ANAPC10: variants seen among roughly 807,000 people sequenced by gnomAD.
ANAPC10 encodes the protein anaphase promoting complex subunit 10, also known as anaphase-promoting complex subunit 10.
In ANAPC10, 12 loss-of-function variants were observed where a neutral mutation model predicts 22.0. The ratio of observed to expected loss-of-function variants is 0.55; its 90% CI spans 0.35 to 0.88. The LOEUF is 0.88. Among genes scored for constraint, ANAPC10 ranks in the 40% least tolerant of loss-of-function variants. The pLI, the probability that ANAPC10 is intolerant of heterozygous loss-of-function variation, is 0.01. For synonymous variants in ANAPC10, 65 were observed against 69.5 expected, an observed-to-expected ratio of 0.94 and a Z score of 0.32; for missense variants, 188 against 220.9, an observed-to-expected ratio of 0.85 and a Z score of 0.94.
intron 4 of ANAPC10, among the ~76,000 whole-genome samples, chr4:144,996,903 G>A (rs1410433186): frequency 1.3e-5 from 2 of 152,190 alleles, no homozygotes; most frequent in African/African-American, 4.8e-5. Context: ...ATGACCCCAT[G>A]AAGCTGAAAA....
In ANAPC10 at chr4:145,064,698, A is replaced by C. The variant is rs1433951591; in HGVS notation, c.207-6T>G. On this transcript the variant is annotated splice_region_variant and splice_polypyrimidine_tract_variant and intron_variant, in intron 3 of 4. Transcript: ENST00000507656. Reference sequence around the variant, plus strand: ...TCTTCACTGTTGTTTTTCTTCTAAAAGCAATAAAGTAAAAATAACATGCAC... The same window carrying C: ...TCTTCACTGTTGTTTTTCTTCTAAACGCAATAAAGTAAAAATAACATGCAC... 6.7e-7 allele frequency: 1 copy of C among 1,499,766 alleles called. No homozygotes were observed. The highest frequency in any genetic ancestry group is 1.4e-5 in the African/African-American group (1 of 71,460). The allele number at this position is 1,499,766 out of a possible 1,614,324, so 92.9% of individuals were successfully genotyped here. A position where few individuals can be genotyped will look rare whatever the true frequency, so the allele number is the denominator to read the frequency against.
intron 4 of ANAPC10, among the ~76,000 whole-genome samples, chr4:145,020,337 T>C (rs909104809): frequency 3.9e-5 from 6 of 152,120 alleles, no homozygotes; most frequent in Non-Finnish European, 7.3e-5. Flanking sequence ...AAAAATCACA[T>C]GATCATCTCA....
At chr4:145,012,365 TTTCCAGTG>T (rs1200976268) in intron 4 of ANAPC10, among the ~76,000 whole-genome samples, 2 of 151,864 alleles carry the variant, frequency 1.3e-5, no homozygotes, top group East Asian at 3.9e-4. Context: ...AAAAAAGATT[TTTCCAGTG>T]TCTGACAATC....
chr4:145,051,709 CAT>C (rs1252111139), intron 4 of ANAPC10, among the ~76,000 whole-genome samples: 10 of 151,902 alleles, frequency 6.6e-5, no homozygotes, highest in African/African-American at 1.2e-4. Context: ...CCAACAGCCA[CAT>C]AGTTATTATT....
At chr4:145,003,133 G>T (rs929738015) in intron 4 of ANAPC10, among the ~76,000 whole-genome samples, 5 of 152,112 alleles carry the variant, frequency 3.3e-5, no homozygotes, top group African/African-American at 1.2e-4. Flanking sequence ...TTCTGTTCCT[G>T]TGTCAGTTTG....
intron 3 of ANAPC10, among the ~76,000 whole-genome samples, chr4:145,073,344 T>C (rs1744750972): frequency 1.3e-5 from 2 of 152,268 alleles, no homozygotes; most frequent in Admixed American, 1.3e-4. Context: ...TACCAGGCAA[T>C]AGGTCCTGTT....
At chr4:145,068,246 GTGTC>G (rs1165712354) in intron 3 of ANAPC10, among the ~76,000 whole-genome samples, 3 of 152,084 alleles carry the variant, frequency 2.0e-5, no homozygotes, top group Admixed American at 6.5e-5. Flanking sequence ...CAGCATTACT[GTGTC>G]TGTATTACAG....
chr4:145,038,340 C>A (rs1316569010), intron 4 of ANAPC10, among the ~76,000 whole-genome samples: 1 of 151,978 alleles, frequency 6.6e-6, no homozygotes, highest in African/African-American at 2.4e-5. Context: ...TGGCAAAACC[C>A]CGTCTCTATT....
At chr4:145,035,761 T>A (rs1427964624) in intron 4 of ANAPC10, among the ~76,000 whole-genome samples, 1 of 152,204 alleles carries the variant, frequency 6.6e-6, no homozygotes, top group Admixed American at 6.5e-5. Flanking sequence ...TTCACGCTCA[T>A]CTGTTTACAT....
chr4:145,006,467 A>G (rs1215992163), intron 4 of ANAPC10, among the ~76,000 whole-genome samples: 2 of 152,124 alleles, frequency 1.3e-5, no homozygotes, highest in Non-Finnish European at 2.9e-5. Context: ...AAAAGAATGT[A>G]GGGCAGTAGA....
chr4:145,027,308 ACTT>A (rs1736909583), intron 4 of ANAPC10, among the ~76,000 whole-genome samples: 1 of 151,824 alleles, frequency 6.6e-6, no homozygotes, highest in Non-Finnish European at 1.5e-5. Flanking sequence ...CTGGCCAAAA[ACTT>A]CTTAATTTAA....
At chr4:145,007,702 C>T (rs1733614157) in intron 4 of ANAPC10, among the ~76,000 whole-genome samples, 1 of 152,020 alleles carries the variant, frequency 6.6e-6, no homozygotes, top group African/African-American at 2.4e-5. Context: ...ATTTATAGCA[C>T]TAAATGCCCA....
chr4:145,014,563 G>A (rs568546008), intron 4 of ANAPC10, among the ~76,000 whole-genome samples: 11 of 152,102 alleles, frequency 7.2e-5, no homozygotes, highest in South Asian at 2.1e-4. Context: ...CCCGCCCACC[G>A]TCTGATCCTC....
At chr4:145,012,867 A>G (rs931150080) in intron 4 of ANAPC10, among the ~76,000 whole-genome samples, 3 of 152,132 alleles carry the variant, frequency 2.0e-5, no homozygotes, top group African/African-American at 7.2e-5. Flanking sequence ...GTAATCCCCA[A>G]TGATGGAGGG....
chr4:145,005,650 GTATATTT>G (rs1254929725), intron 4 of ANAPC10, among the ~76,000 whole-genome samples: 1 of 152,042 alleles, frequency 6.6e-6, no homozygotes, highest in Non-Finnish European at 1.5e-5. Flanking sequence ...AGAGATTCTG[GTATATTT>G]TATCTTTGTT....
At chr4:145,039,607 T>G (rs1338913664) in intron 4 of ANAPC10, among the ~76,000 whole-genome samples, 1 of 152,194 alleles carries the variant, frequency 6.6e-6, no homozygotes, top group Non-Finnish European at 1.5e-5. Context: ...CTCTTTTTTT[T>G]TTGTTTGAAA....
chr4:145,092,014 C>T (rs1482334692), intron 2 of ANAPC10, among the ~76,000 whole-genome samples: 1 of 152,134 alleles, frequency 6.6e-6, no homozygotes, highest in Admixed American at 6.5e-5. Flanking sequence ...ACTACCCTGC[C>T]TCTCCCTTTC....
At chr4:145,055,865 C>G (rs538300839) in intron 4 of ANAPC10, among the ~76,000 whole-genome samples, 4 of 152,160 alleles carry the variant, frequency 2.6e-5, no homozygotes, top group Non-Finnish European at 4.4e-5. Flanking sequence ...ATATGTAGCA[C>G]TACTGAACTA....
intron 4 of ANAPC10, among the ~76,000 whole-genome samples, chr4:145,006,885 A>G (rs1050301035): frequency 1.3e-5 from 2 of 151,956 alleles, no homozygotes; most frequent in African/African-American, 4.8e-5. Flanking sequence ...ACTCCTCTGT[A>G]TGTTCCTTAA....
Sources: allele counts gnomAD v4.1 joint callset (sites outside exome capture counted in the v4.1 genomes callset), GRCh38; gene constraint gnomAD v4.1.1; transcripts MANE v1.5; gene names NCBI Gene and HGNC (gene_info 2026-07-23, HGNC 2026-07-21).